Variants in CTCF observed in about 807,000 individuals in gnomAD.
CTCF encodes transcriptional repressor CTCF.
A neutral mutation model predicts 72.3 loss-of-function variants in CTCF; 7 were observed. The observed-to-expected ratio is 0.10, with a 90% CI of 0.06 to 0.18. The LOEUF is 0.18. Ranked by LOEUF, CTCF falls within the 10% of genes least tolerant of loss-of-function variation. The pLI is 1.00. For synonymous variants in CTCF, 374 were observed against 315.8 expected (o/e 1.18, Z -1.95); for missense variants, 516 against 949.1 (o/e 0.54, Z 6.00).
intron 1 of CTCF, among the ~76,000 whole-genome samples, chr16:67,565,387 AGTT>A (rs1281714082): frequency 1.3e-5 from 2 of 150,486 alleles, no homozygotes; most frequent in Non-Finnish European, 3.0e-5. Context: ...ATTTAAGAGT[AGTT>A]GTGGCTGGGA....
intron 2 of CTCF, among the ~76,000 whole-genome samples, chr16:67,598,607 A>G (rs1294435425): frequency 2.0e-5 from 3 of 152,200 alleles, no homozygotes; most frequent in Admixed American, 6.5e-5. Context: ...ACAATGAAAG[A>G]AAAAAATTTC....
intron 10 of CTCF, among the ~76,000 whole-genome samples, chr16:67,632,510 A>G (rs925546497): frequency 6.6e-6 from 1 of 152,210 alleles, no homozygotes; most frequent in East Asian, 1.9e-4. Context: ...ATGCAGTCTT[A>G]CTTGTCCTGA....
At chr16:67,592,281 G>A (rs879292907) in intron 2 of CTCF, among the ~76,000 whole-genome samples, 4 of 151,722 alleles carry the variant, frequency 2.6e-5, no homozygotes, top group African/African-American at 9.7e-5. Context: ...GCATAGTGGT[G>A]TACGCCTGTG....
At chr16:67,605,381 A>G (rs962236698) in intron 2 of CTCF, among the ~76,000 whole-genome samples, 2 of 152,096 alleles carry the variant, frequency 1.3e-5, no homozygotes, top group African/African-American at 4.8e-5. Flanking sequence ...CTGCGGTAAC[A>G]TTTTTTTATA....
At chr16:67,567,730 ATAGGCG>A (rs1333716478) in intron 1 of CTCF, among the ~76,000 whole-genome samples, 1 of 151,716 alleles carries the variant, frequency 6.6e-6, no homozygotes, top group Non-Finnish European at 1.5e-5. Flanking sequence ...AGCTGGTACT[ATAGGCG>A]TGTGCCACCA....
chr16:67,590,239 A>T (rs2051722836), intron 2 of CTCF, among the ~76,000 whole-genome samples: 1 of 151,716 alleles, frequency 6.6e-6, no homozygotes, highest in Non-Finnish European at 1.5e-5. Flanking sequence ...CTCCTCCCAT[A>T]CTAGTTTCAC....
rs1396410914 is a variant in CTCF at position 67,636,765 on chromosome 16, C to T, written c.1913C>T (p.Pro638Leu). Residue 638 changes from proline to leucine, a missense_variant, in exon 11 of 12, where the codon CCT (proline) becomes CTT (leucine). This residue lies in a region of CTCF where 157 missense variants were observed against 172.9 expected (regional missense o/e 0.91). Coordinates refer to ENST00000264010, the MANE Select transcript of CTCF (RefSeq NM_006565.4). ...PAVEIEPEPE[P>L]QPVTPAPPPA... The stretch of plus-strand genomic sequence containing the variant: ...GTAGAAATTGAACCTGAGCCAGAGC[C>T]TCAGCCTGTGACCCCAGCCCCACCA... 3 of 1,607,736 alleles carry T rather than the reference C, an allele frequency of 1.9e-6. No homozygotes were observed. The Admixed American group carries it at 5.1e-5, about 27-fold the overall frequency.
chr16:67,601,709 T>C (rs2051894390), intron 2 of CTCF, among the ~76,000 whole-genome samples: 1 of 152,134 alleles, frequency 6.6e-6, no homozygotes, highest in Admixed American at 6.6e-5. Flanking sequence ...GTGGACTTTA[T>C]GCCATGTGTT....
At chr16:67,616,336 C>A in intron 4 of CTCF, 1 of 163,774 alleles carries the variant, frequency 6.1e-6, no homozygotes, top group Non-Finnish European at 1.3e-5. Flanking sequence ...ATTTGAGAGA[C>A]AGGATCTTGC....
chr16:67,629,663 C>T, intron 10 of CTCF, 130 bp downstream of exon 10: 1 of 784,050 alleles, frequency 1.3e-6, no homozygotes, highest in African/African-American at 1.8e-5. Flanking sequence ...CTTCTCATCT[C>T]CTAACGTCTA....
rs6499137 is a variant in CTCF at position 67,637,901 on chromosome 16, T to G, written c.*29T>G. ...CGGAGCCTTGTGCGTCGCCAGGACT[T>G]CTCTGGGCTGTGTTTAAACGGCCCG... On this transcript the variant is annotated 3_prime_UTR_variant, in exon 12 of 12. Transcript: ENST00000264010. The G allele has an allele frequency of 0.098, 152,046 of 1,552,148 alleles. 10,100 individuals are homozygous for G. The highest frequency in any genetic ancestry group is 0.33 in the African/African-American group (24,459 of 73,212).
intron 5 of CTCF, among the ~76,000 whole-genome samples, chr16:67,620,281 G>C (rs890313782): frequency 6.6e-6 from 1 of 152,044 alleles, no homozygotes; most frequent in Non-Finnish European, 1.5e-5. Context: ...GGTCACTGCA[G>C]CCTCCACCTC....
At chr16:67,588,356 G>A (rs1393793131) in intron 2 of CTCF, among the ~76,000 whole-genome samples, 3 of 152,092 alleles carry the variant, frequency 2.0e-5, no homozygotes, top group African/African-American at 4.8e-5. Context: ...CCTATTCCAA[G>A]TGATGAAAAG....
At chr16:67,631,082 G>A (rs1327504618) in intron 10 of CTCF, among the ~76,000 whole-genome samples, 1 of 151,770 alleles carries the variant, frequency 6.6e-6, no homozygotes, top group Non-Finnish European at 1.5e-5. Context: ...GTGGGGAGGG[G>A]TTGAGATTTT....
intron 1 of CTCF, among the ~76,000 whole-genome samples, chr16:67,564,750 G>A (rs1009786210): frequency 2.0e-5 from 3 of 152,160 alleles, no homozygotes; most frequent in African/African-American, 7.2e-5. Context: ...CAGGAGTAAA[G>A]CTTGTTTTCC....
At chr16:67,590,413 T>A (rs943070845) in intron 2 of CTCF, among the ~76,000 whole-genome samples, 7 of 151,010 alleles carry the variant, frequency 4.6e-5, no homozygotes, top group Admixed American at 1.3e-4. Flanking sequence ...TGCTCTTAAC[T>A]TTTTTTTTAA....
intron 2 of CTCF, among the ~76,000 whole-genome samples, chr16:67,606,259 C>G (rs756208545): frequency 3.9e-5 from 6 of 152,156 alleles, no homozygotes; most frequent in Non-Finnish European, 7.3e-5. Context: ...CCAAACCTTT[C>G]CCCTACAGAA....
chr16:67,617,506 A>AAAT (rs1200108914), intron 5 of CTCF, among the ~76,000 whole-genome samples: 5 of 151,522 alleles, frequency 3.3e-5, no homozygotes. Context: ...CCATCTCAAA[A>AAAT]AATAATAATA....
chr16:67,574,645 A>ATATATTTT, intron 2 of CTCF, among the ~76,000 whole-genome samples: 1 of 144,730 alleles, frequency 6.9e-6, no homozygotes, highest in African/African-American at 2.6e-5. Flanking sequence ...CCCAGCCAAA[A>ATATATTTT]GCATCTTTTT....
Sources: gnomAD v4.1 joint callset for allele counts (sites outside exome capture counted in the v4.1 genomes callset) on GRCh38, gnomAD v4.1.1 for gene constraint, gnomAD v4.1.1 regional missense constraint, MANE v1.5 for transcripts, NCBI Gene and HGNC (gene_info 2026-07-23, HGNC 2026-07-21) for gene names.